The following LRP1B variants were observed in gnomAD, a reference collection of about 807,000 sequenced individuals.
LRP1B encodes the protein LDL receptor related protein 1B.
A neutral mutation model predicts 556.6 loss-of-function variants in LRP1B; 217 were observed. The ratio of observed to expected loss-of-function variants is 0.39; its 90% CI spans 0.35 to 0.44. The LOEUF (loss-of-function observed/expected upper bound fraction) is 0.44. Ranked by LOEUF, LRP1B falls within the 20% of genes least tolerant of loss-of-function variation. The pLI, the probability that LRP1B is intolerant of heterozygous loss-of-function variation, is 1.00. For synonymous variants in LRP1B, 2,047 were observed against 1,865.8 expected, an observed-to-expected ratio of 1.10 and a Z score of -2.50; for missense variants, 5,053 against 5,620.8, an observed-to-expected ratio of 0.90 and a Z score of 3.23.
intron 1 of LRP1B, among the ~76,000 whole-genome samples, chr2:142,068,545 C>A (rs1337458552): frequency 7.3e-5 from 11 of 151,498 alleles, no homozygotes; most frequent in Non-Finnish European, 1.6e-4. Context: ...TCTGTATTTT[C>A]CAACATTGTC....
At chr2:142,004,659 A>C (rs989628937) in intron 1 of LRP1B, among the ~76,000 whole-genome samples, 5 of 152,084 alleles carry the variant, frequency 3.3e-5, no homozygotes, top group African/African-American at 1.2e-4. Context: ...CAGCCTGGCC[A>C]ACATGCCAAA....
At chr2:140,600,767 G>GTTTTTTT (rs61336155) in intron 42 of LRP1B, among the ~76,000 whole-genome samples, 3 of 56,896 alleles carry the variant, frequency 5.3e-5, no homozygotes, top group Non-Finnish European at 1.0e-4. Context: ...GTTCTTCGGG[G>GTTTTTTT]TTTTTTTTTT....
rs775126924 is a variant in LRP1B, at chr2:141,810,420, C to A, written c.83-19G>T. On this transcript the variant is annotated intron_variant, in intron 1 of 90. Transcript: ENST00000389484. ...TGCTGATCTGAAAATGAAAATGTTT[C>A]GAAATAAAATATGAATGATCTGAAC... 6.2e-7 allele frequency: 1 copy of A among 1,610,714 alleles called. No homozygotes were observed. The highest frequency in any genetic ancestry group is 2.2e-5 in the East Asian group (1 of 44,656).
chr2:140,269,150 GC>G, intron 86 of LRP1B: 1 of 405,962 alleles, frequency 2.5e-6, no homozygotes, highest in Non-Finnish European at 5.1e-6. Flanking sequence ...ACACAGATGA[GC>G]CCCGAGATTA....
At chr2:140,939,498 T>C (rs889262755) in intron 20 of LRP1B, among the ~76,000 whole-genome samples, 1 of 148,076 alleles carries the variant, frequency 6.8e-6, no homozygotes, top group Non-Finnish European at 1.5e-5. Flanking sequence ...AATAAATTTA[T>C]AATATAAAAT....
chr2:141,514,520 T>C (rs1684243795), intron 2 of LRP1B, among the ~76,000 whole-genome samples: 1 of 152,200 alleles, frequency 6.6e-6, no homozygotes, highest in African/African-American at 2.4e-5. Flanking sequence ...TATATCAGGG[T>C]TCTCCTAGAG....
At chr2:141,595,105 TATATTTACCTATTA>T (rs1445812403) in intron 2 of LRP1B, among the ~76,000 whole-genome samples, 1 of 152,090 alleles carries the variant, frequency 6.6e-6, no homozygotes, top group African/African-American at 2.4e-5. Context: ...CAAAGGAACA[TATATTTACCTATTA>T]ATTTGATTAA....
chr2:140,405,542 G>A (rs917385567), intron 66 of LRP1B, among the ~76,000 whole-genome samples: 2 of 151,648 alleles, frequency 1.3e-5, no homozygotes, highest in Non-Finnish European at 3.0e-5. Flanking sequence ...CAACCAACAC[G>A]AATAAATCAT....
intron 84 of LRP1B, among the ~76,000 whole-genome samples, chr2:140,295,728 G>A (rs894044796): frequency 7.9e-5 from 12 of 152,182 alleles, no homozygotes; most frequent in East Asian, 7.7e-4. Flanking sequence ...AGGATTAAAC[G>A]AATTAATAAA....
At chr2:140,506,526 G>A (rs1334113983) in intron 53 of LRP1B, among the ~76,000 whole-genome samples, 2 of 152,102 alleles carry the variant, frequency 1.3e-5, no homozygotes, top group Non-Finnish European at 2.9e-5. Flanking sequence ...CTACAGGCAT[G>A]AGCCACCGCA....
rs1451845282 is a variant in LRP1B, at chr2:140,950,300, G to A, written c.3071C>T (p.Ala1024Val). 6.2e-7 allele frequency: 1 copy of A among 1,612,192 alleles called. No individual in the cohort carries two copies. The highest frequency in any genetic ancestry group is 8.5e-7 in the Non-Finnish European group (1 of 1,178,776). Residue 1024 changes from alanine to valine, a missense_variant, in exon 20 of 91, where the codon GCC (alanine) becomes GTC (valine). By Grantham distance (64) the Ala-to-Val change is moderately conservative (BLOSUM62 0). Around this residue, in one of 5 missense-constraint regions of LRP1B, gnomAD observed 3,619 missense variants for 3,931.9 expected, o/e 0.92. Transcript: ENST00000389484. ...SSGRCIPGHW[A>V]CDGDNDCGDF... Reference sequence around the variant, plus strand: ...CCCACAGTCATTGTCACCATCACAGGCCCAGTGGCCTGGGATGCATCTGCC... The same window carrying A: ...CCCACAGTCATTGTCACCATCACAGACCCAGTGGCCTGGGATGCATCTGCC...
chr2:140,337,930 T>A (rs1681177588), intron 77 of LRP1B, among the ~76,000 whole-genome samples: 1 of 151,764 alleles, frequency 6.6e-6, no homozygotes, highest in Non-Finnish European at 1.5e-5. Flanking sequence ...AGTTTCCTAA[T>A]GTTCATAGAG....
At chr2:140,507,732 G>T (rs1461321043) in intron 52 of LRP1B, among the ~76,000 whole-genome samples, 2 of 152,094 alleles carry the variant, frequency 1.3e-5, no homozygotes, top group African/African-American at 4.8e-5. Context: ...ATATTTAAAA[G>T]GTAAATGCCA....
At chr2:141,336,108 C>T (rs1221832209) in intron 3 of LRP1B, among the ~76,000 whole-genome samples, 1 of 96,372 alleles carries the variant, frequency 1.0e-5, no homozygotes, top group African/African-American at 4.8e-5. Flanking sequence ...ATATCCCAGA[C>T]CTGTCCAAAA....
At chr2:140,673,001 C>A (rs1685541801) in intron 41 of LRP1B, among the ~76,000 whole-genome samples, 1 of 152,178 alleles carries the variant, frequency 6.6e-6, no homozygotes, top group South Asian at 2.1e-4. Context: ...AGTTGTCCAA[C>A]CATTCACTTT....
At chr2:141,636,439 T>C (rs1482237418) in intron 2 of LRP1B, among the ~76,000 whole-genome samples, 1 of 152,148 alleles carries the variant, frequency 6.6e-6, no homozygotes, top group African/African-American at 2.4e-5. Flanking sequence ...ATTCACAAGG[T>C]TGGAAAAATA....
chr2:140,896,512 T>G (rs1224422037), intron 23 of LRP1B, among the ~76,000 whole-genome samples: 2 of 152,160 alleles, frequency 1.3e-5, no homozygotes, highest in Non-Finnish European at 2.9e-5. Flanking sequence ...CAAAAATAGT[T>G]TTTCAAATGC....
At chr2:140,572,807 T>TAAAATAAAAA in intron 43 of LRP1B, among the ~76,000 whole-genome samples, 1 of 149,476 alleles carries the variant, frequency 6.7e-6, no homozygotes, top group Admixed American at 6.7e-5. Context: ...TAAAATAAAA[T>TAAAATAAAAA]AAAATAAAAT....
intron 2 of LRP1B, among the ~76,000 whole-genome samples, chr2:141,713,585 T>G (rs1283246493): frequency 6.6e-6 from 1 of 152,194 alleles, no homozygotes; most frequent in Admixed American, 6.5e-5. Flanking sequence ...CAAAGCTTTT[T>G]GTGAGCACTT....
Sources: gnomAD v4.1 joint callset for allele counts (sites outside exome capture counted in the v4.1 genomes callset) on GRCh38, gnomAD v4.1.1 for gene constraint, gnomAD v4.1.1 regional missense constraint, MANE v1.5 for transcripts, NCBI Gene and HGNC (gene_info 2026-07-23, HGNC 2026-07-21) for gene names.